The following ATG16L2 variants were observed in gnomAD, a reference collection of about 807,000 sequenced individuals.
The protein encoded by ATG16L2 is autophagy related 16 like 2.
Under a neutral mutation model 84.7 loss-of-function variants are expected in ATG16L2, and 77 were observed. The observed-to-expected ratio is 0.91, with a 90% CI of 0.76 to 1.10. The LOEUF is 1.10. ATG16L2 is among the 50% of genes least tolerant of loss of function. ATG16L2 has a pLI of 0.00. For missense variants in ATG16L2, 782 were observed against 817.6 expected, an observed-to-expected ratio of 0.96 and a Z score of 0.53; for synonymous variants, 361 against 342.8, an observed-to-expected ratio of 1.05 and a Z score of -0.59.
chr11:72,829,323 CCTGGTGCTA>C lies in ATG16L2; in HGVS notation c.1796_1804del (p.Trp599_Tyr601del). 6.2e-7 allele frequency: 1 copy of C among 1,613,236 alleles called. No individual in the cohort carries two copies. The highest frequency in any genetic ancestry group is 8.5e-7 in the Non-Finnish European group (1 of 1,179,844). On this transcript the variant is annotated inframe_deletion, in exon 18 of 18. Coordinates refer to ENST00000321297, the MANE Select transcript of ATG16L2 (RefSeq NM_033388.2). ...CCCAGCGCTGCCGTCAACGCCGTGG[CCTGGTGCTA>C]CTCCGGGAGCCACATGGTGAGCGTG...
rs560687008 is a variant in ATG16L2 at position 72,815,148 on chromosome 11, A to G, written c.118+585A>G. 7.7e-4 allele frequency among the ~76,000 whole-genome samples: 118 copies of G among 152,350 alleles called. 1 individual carries two copies. The highest frequency in any genetic ancestry group is 2.9e-5 in the Non-Finnish European group (2 of 68,024). On this transcript the variant is annotated intron_variant, in intron 1 of 17. Coordinates refer to ENST00000321297, the MANE Select transcript of ATG16L2 (RefSeq NM_033388.2). ...CTGCTGGTGGATGCTGGCTGAGCCCAGCGAAGTCGGACTCTCAGAATTGTT... is the reference window on the plus strand; with the variant it reads ...CTGCTGGTGGATGCTGGCTGAGCCCGGCGAAGTCGGACTCTCAGAATTGTT...
chr11:72,826,071 C>A, intron 10 of ATG16L2, 102 bp from the exon 11 acceptor site: 1 of 947,092 alleles, frequency 1.1e-6, no homozygotes, highest in Non-Finnish European at 1.6e-6. Context: ...GGGGATGTGT[C>A]GGGGGGTGGG....
Position 72,814,435 on chromosome 11 carries a change from A to G in ATG16L2, c.-11A>G, listed in dbSNP as rs950831133. 1.0e-5 allele frequency: 15 copies of G among 1,462,048 alleles called. No homozygotes were observed. The Admixed American group carries it at 2.9e-4, about 28-fold the overall frequency. 90.6% of individuals were successfully genotyped at this position (1,462,048 alleles called of 1,614,324 possible). ...CGGGAGGAACGCGCCGCTAGGCGGG[A>G]GAGCGCGGCCATGGCGGGGCCGGGC... On this transcript the variant is annotated 5_prime_UTR_variant, in exon 1 of 18. Coordinates refer to ENST00000321297, the MANE Select transcript of ATG16L2 (RefSeq NM_033388.2).
chr11:72,838,117 T>C (rs1008707409), intron 5 of ATG16L2: 1 of 152,260 alleles, frequency 6.6e-6, no homozygotes, highest in African/African-American at 2.4e-5. Context: ...AGCCCCTCCA[T>C]ATTAGCTCTG....
At chr11:72,829,919 G>GA (rs1333804578), downstream of ATG16L2, among the ~76,000 whole-genome samples, 2 of 152,198 alleles carry the variant, frequency 1.3e-5, no homozygotes, top group Non-Finnish European at 1.5e-5. Flanking sequence ...AGGGTAGACT[G>GA]AAGCTGAGGA....
At chr11:72,823,810 AG>A (rs751487641) in intron 7 of ATG16L2, 35 of 615,300 alleles carry the variant, frequency 5.7e-5, no homozygotes, top group Non-Finnish European at 1.2e-5. Flanking sequence ...GGGTACTAGT[AG>A]GGTAAGGCAG....
At chr11:72,827,135 T>A in intron 13 of ATG16L2, 53 bp from the exon 14 acceptor site, 1 of 1,397,836 alleles carries the variant, frequency 7.2e-7, no homozygotes, top group Non-Finnish European at 1.0e-6. Flanking sequence ...TCCTGTGGGG[T>A]GGCTCCCGAC....
rs769127298 is a variant in ATG16L2, at chr11:72,829,341, G to A, written c.1811G>A (p.Ser604Asn). ...GCCGTGGCCTGGTGCTACTCCGGGA[G>A]CCACATGGTGAGCGTGGACCAGGGC... ...VNAVAWCYSG[S>N]HMVSVDQGRK... The change falls in exon 18 of 18, where the codon AGC becomes AAC. Residue 604 changes from serine (S) to asparagine (N), a missense_variant. Physicochemically the swap from Ser to Asn is conservative, Grantham distance 46 (BLOSUM62 1). Coordinates refer to ENST00000321297, the MANE Select transcript of ATG16L2 (RefSeq NM_033388.2). The A allele has an allele frequency of 1.7e-5, 27 of 1,613,074 alleles. No individual in the cohort carries two copies. In the East Asian group the frequency reaches 5.8e-4, roughly 35 times the overall value.
rs1860246669 is a variant in ATG16L2, at chr11:72,824,851, G to A, written c.996+9G>A. On this transcript the variant is annotated intron_variant, in intron 9 of 17. Transcript: ENST00000321297. ...GGGCTCAGGATGTGCTGGTAAGGGA[G>A]GAGCTGAGCCACATGGGTGGGGCAG... 6.4e-7 allele frequency: 1 copy of A among 1,573,120 alleles called. No individual in the cohort carries two copies.
chr11:72,842,639 T>A, exon 6 of ATG16L2: 2 of 1,614,044 alleles, frequency 1.2e-6, no homozygotes, highest in South Asian at 2.2e-5. Context: ...CTCTCATCCA[T>A]GGAGTGTCAC....
downstream of ATG16L2, among the ~76,000 whole-genome samples, chr11:72,832,077 T>C (rs970508143): frequency 6.6e-6 from 1 of 152,184 alleles, no homozygotes; most frequent in African/African-American, 2.4e-5. Context: ...TTAGTATCCC[T>C]TGAAGTGAGG....
In ATG16L2 at chr11:72,814,538, G is replaced by A. The variant is rs2135061606; in HGVS notation, c.93G>A (p.Ala31=). 3 of 1,577,218 alleles carry A rather than the reference G, an allele frequency of 1.9e-6. No individual in the cohort carries two copies. The highest frequency in any genetic ancestry group is 4.7e-5 in the East Asian group (2 of 42,514). Residue 31 remains alanine, a synonymous_variant, in exon 1 of 18, where the codon GCG becomes GCA. Transcript: ENST00000321297. ...GGCTTCGGGACCGTACGCAAAAGGC[G>A]CTTTTCCTGGAGCTGGTGCCGGCCT... ...QLRLRDRTQK[A]LFLELVPAYN... is the part of the protein sequence containing the mutation.
At chr11:72,832,728 C>T (rs148266386), downstream of ATG16L2, among the ~76,000 whole-genome samples, 3 of 152,284 alleles carry the variant, frequency 2.0e-5, no homozygotes, top group Non-Finnish European at 4.4e-5. Flanking sequence ...GCAGCTCCTT[C>T]GGGTCACAGA....
intron 5 of ATG16L2, chr11:72,840,749 T>C (rs1860899866): frequency 1.5e-6 from 1 of 666,222 alleles, no homozygotes; most frequent in Non-Finnish European, 2.6e-6. Context: ...CTTTTTACCT[T>C]CCCAAACCCA....
At position 72,814,517 on chromosome 11, in the gene ATG16L2, TC is replaced by T; in HGVS notation, c.73del (p.Arg25GlyfsTer20). ...GCCACATCGTGCGGCAGCTGCGGCT[TC>T]GGGACCGTACGCAAAAGGCGCTTTT... ...KRHIVRQLRL[R>X]DRTQKALFLE... On this transcript the variant is annotated frameshift_variant, in exon 1 of 18. Transcript: ENST00000321297. LOFTEE classifies it high-confidence loss of function. 1 of 1,561,622 alleles carries T rather than the reference TC, an allele frequency of 6.4e-7. No homozygotes were observed. The highest frequency in any genetic ancestry group is 2.4e-5 in the East Asian group (1 of 41,448).
At chr11:72,831,977 G>C (rs1444878961), downstream of ATG16L2, among the ~76,000 whole-genome samples, 4 of 152,170 alleles carry the variant, frequency 2.6e-5, no homozygotes, top group Non-Finnish European at 5.9e-5. Flanking sequence ...TGCTACCACG[G>C]GGGTAGAGGT....
chr11:72,833,597 G>C (rs1860653000), downstream of ATG16L2, among the ~76,000 whole-genome samples: 4 of 152,120 alleles, frequency 2.6e-5, no homozygotes, highest in Admixed American at 2.6e-4. Flanking sequence ...CTGTCCCTGG[G>C]TTCATTTCTG....
In ATG16L2 at chr11:72,825,207, G is replaced by A. The variant is rs555482434; in HGVS notation, c.997-95G>A. ...GAGGGAGATACCACGTCTGCAGCAGGCTGTGTCTGCACAGGCACCGGTAAG... is the reference window on the plus strand; with the variant it reads ...GAGGGAGATACCACGTCTGCAGCAGACTGTGTCTGCACAGGCACCGGTAAG... On this transcript the variant is annotated intron_variant, in intron 9 of 17. Transcript: ENST00000321297. 5 of 924,420 alleles carry A rather than the reference G, an allele frequency of 5.4e-6. No individual in the cohort carries two copies. The South Asian group carries it at 7.1e-5, about 13-fold the overall frequency. 57.3% of individuals were successfully genotyped at this position (924,420 alleles called of 1,614,324 possible).
chr11:72,814,628 G>A lies in ATG16L2; in HGVS notation c.118+65G>A, dbSNP rs1859598602. The A allele has an allele frequency of 2.9e-6, 4 of 1,366,544 alleles. No homozygotes were observed. In the South Asian group the frequency reaches 4.0e-5, roughly 14 times the overall value. 84.7% of individuals were successfully genotyped at this position (1,366,544 alleles called of 1,614,324 possible). A position where few individuals can be genotyped will look rare whatever the true frequency, so the allele number is the denominator to read the frequency against. The stretch of plus-strand genomic sequence containing the variant: ...GACGCGGCTACGGGCGCGGGGAGAG[G>A]GTTTGGCTGGCTCCTCCGCCTGTGA... On this transcript the variant is annotated intron_variant, in intron 1 of 17. Coordinates refer to ENST00000321297, the MANE Select transcript of ATG16L2 (RefSeq NM_033388.2).
Sources: gnomAD v4.1 joint callset for allele counts (sites outside exome capture counted in the v4.1 genomes callset) on GRCh38, gnomAD v4.1.1 for gene constraint, MANE v1.5 for transcripts, NCBI Gene and HGNC (gene_info 2026-07-23, HGNC 2026-07-21) for gene names.